The following ALCAM variants were observed in gnomAD, a reference collection of about 807,000 sequenced individuals.
The protein encoded by ALCAM is CD166 antigen.
ALCAM carries 30 observed loss-of-function variants against 70.9 expected under a neutral mutation model. The observed-to-expected ratio is 0.42, with a 90% CI of 0.32 to 0.57. ALCAM has a LOEUF of 0.57. Ranked by LOEUF, ALCAM falls within the 20% of genes least tolerant of loss-of-function variation. The pLI is 0.11. For missense variants in ALCAM, 591 were observed against 695.1 expected, an observed-to-expected ratio of 0.85 and a Z score of 1.68; for synonymous variants, 249 against 242.5, an observed-to-expected ratio of 1.03 and a Z score of -0.25.
intron 1 of ALCAM, among the ~76,000 whole-genome samples, chr3:105,379,593 A>T (rs1436281143): frequency 1.3e-5 from 2 of 151,714 alleles, no homozygotes; most frequent in Middle Eastern, 3.2e-3. Context: ...ATTAGAACTT[A>T]GAAAGAAAAA....
At chr3:105,469,831 T>C (rs1284811046) in intron 1 of ALCAM, among the ~76,000 whole-genome samples, 2 of 150,874 alleles carry the variant, frequency 1.3e-5, no homozygotes, top group African/African-American at 4.8e-5. Flanking sequence ...AGGACCCAAT[T>C]GTAGTCGTAA....
At chr3:105,540,944 C>G (rs1393574322) in intron 7 of ALCAM, among the ~76,000 whole-genome samples, 1 of 151,852 alleles carries the variant, frequency 6.6e-6, no homozygotes, top group Non-Finnish European at 1.5e-5. Flanking sequence ...GTTTTTGTTT[C>G]CTTTGCGAAG....
At chr3:105,502,887 C>T (rs1318423838) in intron 1 of ALCAM, among the ~76,000 whole-genome samples, 1 of 152,186 alleles carries the variant, frequency 6.6e-6, no homozygotes, top group Non-Finnish European at 1.5e-5. Flanking sequence ...TTCAGAAAGA[C>T]TTCTGGATTC....
chr3:105,393,004 A>C (rs944587388), intron 1 of ALCAM, among the ~76,000 whole-genome samples: 3 of 151,866 alleles, frequency 2.0e-5, no homozygotes, highest in Non-Finnish European at 4.4e-5. Flanking sequence ...TAATTTATTT[A>C]TTATGAATTG....
intron 1 of ALCAM, among the ~76,000 whole-genome samples, chr3:105,470,132 T>TATACACAC (rs142623980): frequency 3.2e-4 from 47 of 145,820 alleles, no homozygotes; most frequent in African/African-American, 8.6e-4. Context: ...GTTATATACA[T>TATACACAC]ACACACACAC....
intron 1 of ALCAM, among the ~76,000 whole-genome samples, chr3:105,427,505 A>G (rs1005133164): frequency 6.6e-6 from 1 of 151,836 alleles, no homozygotes; most frequent in African/African-American, 2.4e-5. Flanking sequence ...GCTAGCATTT[A>G]AAGGGGGAGG....
Position 105,524,505 on chromosome 3 carries a change from T to C in ALCAM, c.391T>C (p.Phe131Leu). 1 of 1,614,040 alleles carries C rather than the reference T, an allele frequency of 6.2e-7. No individual in the cohort carries two copies. Among genetic ancestry groups the C allele is most frequent in the Non-Finnish European group, 8.5e-7 (1 of 1,179,926 alleles). Residue 131 changes from phenylalanine (F) to leucine (L), a missense_variant, in exon 3 of 16, where the codon TTC becomes CTC. By Grantham distance (22) the Phe-to-Leu change is conservative. Around this residue, in one of 2 missense-constraint regions of ALCAM, gnomAD observed 427 missense variants for 450.4 expected, o/e 0.95. Transcript: ENST00000306107. ...TGAGGCACCTACAATAGTCAAGGTG[T>C]TCAGTAAGTAGTCTGCAGCAGTGTC... ...VFEAPTIVKV[F>L]KQPSKPEIVS...
chr3:105,454,653 A>ATTTTTTTTTTTTTTTTTTTT (rs59389132), intron 1 of ALCAM, among the ~76,000 whole-genome samples: 7 of 61,794 alleles, frequency 1.1e-4, no homozygotes, highest in Non-Finnish European at 1.6e-4. Flanking sequence ...ATGCTCATTA[A>ATTTTTTTTTTTTTTTTTTTT]TTTTTTTTTT....
intron 1 of ALCAM, among the ~76,000 whole-genome samples, chr3:105,417,719 T>G (rs1009642460): frequency 6.7e-5 from 10 of 150,338 alleles, no homozygotes; most frequent in African/African-American, 2.4e-4. Flanking sequence ...TTCTATAAAT[T>G]TTACTTCCTC....
chr3:105,508,145 G>T (rs1939133110), intron 1 of ALCAM, among the ~76,000 whole-genome samples: 1 of 152,162 alleles, frequency 6.6e-6, no homozygotes, highest in Admixed American at 6.5e-5. Flanking sequence ...GTGATAAAAT[G>T]TGTTAGTTCA....
At chr3:105,409,099 G>A (rs1274615665) in intron 1 of ALCAM, among the ~76,000 whole-genome samples, 1 of 152,058 alleles carries the variant, frequency 6.6e-6, no homozygotes, top group Admixed American at 6.6e-5. Context: ...GCTGTTGGAG[G>A]GAATGTAAAC....
chr3:105,449,901 T>C (rs1937385923), intron 1 of ALCAM, among the ~76,000 whole-genome samples: 1 of 152,158 alleles, frequency 6.6e-6, no homozygotes, highest in Non-Finnish European at 1.5e-5. Flanking sequence ...AAATAGATTG[T>C]TTTATCCTCG....
intron 14 of ALCAM, among the ~76,000 whole-genome samples, chr3:105,565,034 GA>G (rs1021835823): frequency 1.3e-5 from 2 of 150,190 alleles, no homozygotes; most frequent in Non-Finnish European, 3.0e-5. Flanking sequence ...TGTCTGGAAA[GA>G]AAAAAAAACA....
chr3:105,420,159 A>G (rs1023405349), intron 1 of ALCAM, among the ~76,000 whole-genome samples: 1 of 151,774 alleles, frequency 6.6e-6, no homozygotes, highest in African/African-American at 2.4e-5. Flanking sequence ...ATTTTACCAT[A>G]GAGAGATGGT....
intron 1 of ALCAM, among the ~76,000 whole-genome samples, chr3:105,470,132 T>TATAC (rs142623980): frequency 0.13 from 19,421 of 145,652 alleles, 1,485 homozygotes; most frequent in African/African-American, 0.2. Flanking sequence ...GTTATATACA[T>TATAC]ACACACACAC....
chr3:105,486,705 A>C (rs558941759), intron 1 of ALCAM, among the ~76,000 whole-genome samples: 3 of 152,124 alleles, frequency 2.0e-5, no homozygotes, highest in African/African-American at 7.2e-5. Context: ...AAATTAATTC[A>C]TTAGATAGGG....
chr3:105,401,144 C>T (rs562924227), intron 1 of ALCAM, among the ~76,000 whole-genome samples: 5 of 152,170 alleles, frequency 3.3e-5, no homozygotes, highest in East Asian at 1.9e-4. Flanking sequence ...AGGCATTGAT[C>T]GTTTCTTAGA....
At chr3:105,526,996 C>T (rs1177160649) in intron 3 of ALCAM, among the ~76,000 whole-genome samples, 2 of 152,144 alleles carry the variant, frequency 1.3e-5, no homozygotes, top group African/African-American at 4.8e-5. Flanking sequence ...AACTACAGCC[C>T]CTGGCAAATG....
At chr3:105,451,430 A>G (rs1483495770) in intron 1 of ALCAM, among the ~76,000 whole-genome samples, 3 of 152,178 alleles carry the variant, frequency 2.0e-5, no homozygotes, top group African/African-American at 7.2e-5. Context: ...AAAGACCCTC[A>G]GACCGCATAG....
Sources: allele counts gnomAD v4.1 joint callset (sites outside exome capture counted in the v4.1 genomes callset), GRCh38; gene constraint gnomAD v4.1.1; regional missense constraint gnomAD v4.1.1; transcripts MANE v1.5; gene names NCBI Gene and HGNC (gene_info 2026-07-23, HGNC 2026-07-21).